IAH1: variants seen among roughly 807,000 people sequenced by gnomAD.
IAH1 encodes isoamyl acetate-hydrolyzing esterase 1 homolog.
Under a neutral mutation model 26.7 loss-of-function variants are expected in IAH1, and 24 were observed. That is an observed-to-expected ratio of 0.90 (90% confidence interval 0.65 to 1.26). The LOEUF (loss-of-function observed/expected upper bound fraction) is 1.26, where lower values mean the gene tolerates loss of function less well. Among genes scored for constraint, IAH1 ranks in the 50% most tolerant of loss-of-function variants. The pLI is 0.00. For synonymous variants in IAH1, 140 were observed against 118.5 expected, an observed-to-expected ratio of 1.18 and a Z score of -1.18; for missense variants, 300 against 299.9, an observed-to-expected ratio of 1.00 and a Z score of 0.00.
chr2:9,494,695 T>C (rs1399068872), downstream of IAH1: 1 of 1,614,074 alleles, frequency 6.2e-7, no homozygotes, highest in African/African-American at 1.3e-5. Context: ...TAAGTTCTTT[T>C]GTTCAGCATC....
downstream of IAH1, chr2:9,491,165 G>A: frequency 6.2e-7 from 1 of 1,610,320 alleles, no homozygotes; most frequent in Non-Finnish European, 8.5e-7. Flanking sequence ...GAAAGAAACA[G>A]CAAGAAGGTC....
chr2:9,499,413 T>A (rs942876994), downstream of IAH1, among the ~76,000 whole-genome samples: 4 of 152,164 alleles, frequency 2.6e-5, no homozygotes, highest in Admixed American at 6.5e-5. Context: ...TTTTTTGGTT[T>A]TTTTTTGAGA....
the IAH1 span, among the ~76,000 whole-genome samples, chr2:9,504,607 C>A: frequency 6.6e-6 from 1 of 151,152 alleles, no homozygotes. Flanking sequence ...TCTACTAATA[C>A]AAAAAATTAG....
At chr2:9,508,206 G>T in the IAH1 span, among the ~76,000 whole-genome samples, 1 of 152,162 alleles carries the variant, frequency 6.6e-6, no homozygotes, top group Non-Finnish European at 1.5e-5. Context: ...CCAACCATAT[G>T]TGGCTACTTA....
chr2:9,484,400 C>A, intron 4 of IAH1, 32 bp from the exon 5 acceptor site: 1 of 1,549,734 alleles, frequency 6.5e-7, no homozygotes, highest in Non-Finnish European at 8.9e-7. Context: ...TTGGGTTTAC[C>A]AACTGCCACC....
At chr2:9,499,306 A>AATCTATTTT (rs1434466083), downstream of IAH1, among the ~76,000 whole-genome samples, 1 of 152,114 alleles carries the variant, frequency 6.6e-6, no homozygotes, top group Non-Finnish European at 1.5e-5. Flanking sequence ...CATTTTTCTC[A>AATCTATTTT]ATCTATTTTA....
At chr2:9,489,898 A>T (rs1661970574), downstream of IAH1, 2 of 358,604 alleles carry the variant, frequency 5.6e-6, no homozygotes, top group Admixed American at 4.2e-5. Flanking sequence ...TCATAACCCA[A>T]TCCAGCTGTA....
chr2:9,482,694 A>G (rs1441472434), intron 4 of IAH1, among the ~76,000 whole-genome samples: 2 of 152,222 alleles, frequency 1.3e-5, no homozygotes. Flanking sequence ...GGTTGTAGCT[A>G]TGTCCCTTGC....
At chr2:9,479,766 G>C (rs1199812127) in intron 3 of IAH1, among the ~76,000 whole-genome samples, 1 of 139,138 alleles carries the variant, frequency 7.2e-6, no homozygotes, top group African/African-American at 2.6e-5. Context: ...TACGCAGCCA[G>C]ATGTGTGTGC....
In IAH1 at chr2:9,487,815, TGTGTGTGTGTGTGTGTGTGCGCGC is replaced by T. The variant is rs1190108083; in HGVS notation, c.565-330_565-307del. On this transcript the variant is annotated intron_variant, in intron 5 of 5. Transcript: ENST00000497473. ...GTGTGTGTGTGTGTGTGTGTGTGTG[TGTGTGTGTGTGTGTGTGTGCGCGC>T]GCGCGCGCGCGCTGTGGGGGGAGAC... 2.5e-4 allele frequency among the ~76,000 whole-genome samples: 23 copies of T among 93,238 alleles called. 1 individual carries two copies. The Middle Eastern group carries it at 0.026, about 107-fold the overall frequency. 61.2% of individuals were successfully genotyped at this position (93,238 alleles called of 152,430 possible).
chr2:9,494,809 ACCTGCCTCTCCT>A (rs1336259624), exon 6 of IAH1: 4 of 1,603,460 alleles, frequency 2.5e-6, no homozygotes, highest in East Asian at 2.2e-5. Context: ...TTGTTCTGAG[ACCTGCCTCTCCT>A]CCTGCCTCCT....
exon 7 of IAH1, chr2:9,496,462 C>T (rs1177411391): frequency 6.6e-6 from 1 of 152,340 alleles, no homozygotes; most frequent in Non-Finnish European, 1.5e-5. Flanking sequence ...AGAACTCCCT[C>T]ATCGACTCCC....
At chr2:9,478,162 T>C (rs1660936367) in intron 2 of IAH1, 60 bp from the exon 3 acceptor site, 3 of 1,484,872 alleles carry the variant, frequency 2.0e-6, no homozygotes, top group Admixed American at 4.2e-5. Flanking sequence ...TAAAGGCCGG[T>C]TACTGCGACC....
downstream of IAH1, among the ~76,000 whole-genome samples, chr2:9,492,099 G>A (rs1274921826): frequency 6.6e-6 from 1 of 152,220 alleles, no homozygotes; most frequent in Non-Finnish European, 1.5e-5. Context: ...CAGCAGGAAA[G>A]GAAAGGAAGG....
At chr2:9,475,889 G>A (rs888023655) in intron 1 of IAH1, 98 bp from the exon 2 acceptor site, 1 of 993,562 alleles carries the variant, frequency 1.0e-6, no homozygotes, top group African/African-American at 1.6e-5. Flanking sequence ...AAGCCAAGAA[G>A]GGAGCGCCGA....
the IAH1 span, among the ~76,000 whole-genome samples, chr2:9,502,540 T>C: frequency 6.6e-6 from 1 of 152,136 alleles, no homozygotes; most frequent in South Asian, 2.1e-4. Flanking sequence ...AACATCTTGG[T>C]GCCCTTGGTT....
chr2:9,488,021 T>G (rs564026757), intron 5 of IAH1, 126 bp from the exon 6 acceptor site: 1 of 624,480 alleles, frequency 1.6e-6, no homozygotes, highest in Non-Finnish European at 2.6e-6. Context: ...TTTAAAATTT[T>G]TTGTAGAGAC....
intron 5 of IAH1, 121 bp from the exon 6 acceptor site, chr2:9,488,026 A>C: frequency 3.1e-6 from 2 of 647,838 alleles, no homozygotes; most frequent in Admixed American, 6.7e-5. Context: ...AATTTTTTGT[A>C]GAGACAGGGT....
downstream of IAH1, chr2:9,492,995 A>C (rs781236408): frequency 1.2e-6 from 2 of 1,603,622 alleles, no homozygotes; most frequent in East Asian, 4.5e-5. Flanking sequence ...TCCTGTGAAC[A>C]ATTCCAAACA....
Sources: allele counts gnomAD v4.1 joint callset (sites outside exome capture counted in the v4.1 genomes callset), GRCh38; gene constraint gnomAD v4.1.1; transcripts MANE v1.5; gene names NCBI Gene and HGNC (gene_info 2026-07-23, HGNC 2026-07-21).